The following PRDM5 variants were observed in gnomAD, a reference collection of about 807,000 sequenced individuals.
PRDM5 encodes the protein PR domain zinc finger protein 5.
In PRDM5, 56 loss-of-function variants were observed where a neutral mutation model predicts 81.2. The observed-to-expected ratio is 0.69, with a 90% confidence interval of 0.56 to 0.86. The LOEUF (loss-of-function observed/expected upper bound fraction) is 0.86, where lower values mean the gene tolerates loss of function less well. Among genes scored for constraint, PRDM5 ranks in the 40% least tolerant of loss-of-function variants. The pLI, the probability that PRDM5 is intolerant of heterozygous loss-of-function variation, is 0.00. For synonymous variants in PRDM5, 267 were observed against 256.4 expected, an observed-to-expected ratio of 1.04 and a Z score of -0.39; for missense variants, 697 against 770.1, an observed-to-expected ratio of 0.91 and a Z score of 1.12.
chr4:120,697,670 A>AT (rs373112429), intron 15 of PRDM5, among the ~76,000 whole-genome samples: 5 of 30,122 alleles, frequency 1.7e-4, no homozygotes, highest in African/African-American at 5.5e-4. Flanking sequence ...CCAGCTAACT[A>AT]TTTTTTTTTT....
At chr4:120,826,800 C>T (rs922283275) in intron 3 of PRDM5, among the ~76,000 whole-genome samples, 1 of 152,178 alleles carries the variant, frequency 6.6e-6, no homozygotes. Context: ...AAAGCAGATG[C>T]CATTTCCTGA....
chr4:120,739,723 T>C (rs1412618672), intron 14 of PRDM5, among the ~76,000 whole-genome samples: 38 of 151,738 alleles, frequency 2.5e-4, no homozygotes, highest in Admixed American at 2.5e-3. Flanking sequence ...CAGAGAACCA[T>C]GATCTAGCAT....
intron 13 of PRDM5, among the ~76,000 whole-genome samples, chr4:120,773,355 T>C (rs1747579300): frequency 6.6e-6 from 1 of 152,202 alleles, no homozygotes; most frequent in Admixed American, 6.5e-5. Flanking sequence ...AAATTTAGAA[T>C]GCTCCCAAGT....
intron 14 of PRDM5, chr4:120,731,880 C>T (rs1740321801): frequency 6.6e-6 from 1 of 152,056 alleles, no homozygotes; most frequent in Non-Finnish European, 1.5e-5. Flanking sequence ...ATAAATAAAC[C>T]CCTTCATGTT....
intron 3 of PRDM5, among the ~76,000 whole-genome samples, chr4:120,848,170 A>C (rs1036740788): frequency 1.3e-5 from 2 of 152,236 alleles, no homozygotes; most frequent in African/African-American, 4.8e-5. Flanking sequence ...GCAATGCTTT[A>C]TAATGGATTA....
chr4:120,746,824 A>G (rs1444327560), intron 14 of PRDM5, among the ~76,000 whole-genome samples: 3 of 144,818 alleles, frequency 2.1e-5, no homozygotes, highest in Non-Finnish European at 3.0e-5. Context: ...GAACACTTTT[A>G]CACTGTTGGT....
chr4:120,817,612 T>C (rs1754701726), intron 5 of PRDM5, among the ~76,000 whole-genome samples: 1 of 152,182 alleles, frequency 6.6e-6, no homozygotes, highest in African/African-American at 2.4e-5. Context: ...TTGCATCCAA[T>C]ATGTAAATAT....
At chr4:120,874,929 G>A (rs1413545428) in intron 2 of PRDM5, among the ~76,000 whole-genome samples, 2 of 152,198 alleles carry the variant, frequency 1.3e-5, no homozygotes, top group Non-Finnish European at 2.9e-5. Context: ...TAGGGAAGAG[G>A]TGGTGGGAGG....
At chr4:120,860,419 A>G (rs1462486223) in intron 2 of PRDM5, among the ~76,000 whole-genome samples, 1 of 152,210 alleles carries the variant, frequency 6.6e-6, no homozygotes, top group African/African-American at 2.4e-5. Flanking sequence ...ATACCTGACA[A>G]AAAATGAAAC....
chr4:120,839,710 AC>A (rs1488603460), intron 3 of PRDM5, among the ~76,000 whole-genome samples: 1 of 152,094 alleles, frequency 6.6e-6, no homozygotes, highest in Non-Finnish European at 1.5e-5. Flanking sequence ...CTCACCGGGT[AC>A]CTGCCCCCTT....
intron 15 of PRDM5, among the ~76,000 whole-genome samples, chr4:120,699,172 A>G (rs1221413206): frequency 3.1e-5 from 1 of 32,154 alleles, no homozygotes; most frequent in Admixed American, 4.4e-4. Flanking sequence ...ATATATATAT[A>G]TATATATATA....
intron 2 of PRDM5, among the ~76,000 whole-genome samples, chr4:120,875,145 C>A (rs1762214910): frequency 6.6e-6 from 1 of 152,192 alleles, no homozygotes. Context: ...AGTTTCCTGG[C>A]CAAATTTGGT....
In PRDM5 at chr4:120,873,295, C is replaced by T. The variant is rs185911792; in HGVS notation, c.178-19755G>A. Among the ~76,000 whole-genome samples, 362 of 152,254 alleles carry T rather than the reference C, an allele frequency of 2.4e-3. 3 individuals are homozygous for T. Among genetic ancestry groups the T allele is most frequent in the African/African-American group, 7.2e-3 (298 of 41,568 alleles). ...CTAGCATTACAGGCGTGAGCCACCA[C>T]GCCCTGACCACAATTTTTAAGAAGA... is the stretch of plus-strand genomic sequence containing the variant. On this transcript the variant is annotated intron_variant, in intron 2 of 15. Coordinates refer to ENST00000264808, the MANE Select transcript of PRDM5 (RefSeq NM_018699.4).
rs948613612 is a variant in PRDM5 at position 120,706,758 on chromosome 4, T to A, written c.1728+3551A>T. On this transcript the variant is annotated intron_variant, in intron 15 of 15. Coordinates refer to ENST00000264808, the MANE Select transcript of PRDM5 (RefSeq NM_018699.4). ...TATATATATGTCCATTATATAAATT[T>A]TATATATATATATATATATGCCCAT... Among the ~76,000 whole-genome samples the A allele has an allele frequency of 4.6e-3, 668 of 143,968 alleles. 5 individuals are homozygous for A. The highest frequency in any genetic ancestry group is 0.016 in the African/African-American group (636 of 39,504). 94.4% of individuals were successfully genotyped at this position (143,968 alleles called of 152,430 possible). A position where few individuals can be genotyped will look rare whatever the true frequency, so the allele number is the denominator to read the frequency against.
intron 1 of PRDM5, among the ~76,000 whole-genome samples, chr4:120,914,899 G>C (rs927298001): frequency 1.3e-5 from 2 of 152,152 alleles, no homozygotes; most frequent in Admixed American, 1.3e-4. Context: ...AAGTAACTCA[G>C]GAATGAAAAA....
chr4:120,768,358 T>C (rs1393524091), intron 13 of PRDM5, among the ~76,000 whole-genome samples: 1 of 152,200 alleles, frequency 6.6e-6, no homozygotes, highest in Non-Finnish European at 1.5e-5. Context: ...AAAATGAGAA[T>C]GGTCCTAGAA....
chr4:120,757,459 A>G (rs1419709587), intron 13 of PRDM5, among the ~76,000 whole-genome samples: 1 of 152,214 alleles, frequency 6.6e-6, no homozygotes, highest in African/African-American at 2.4e-5. Flanking sequence ...AGAATAATAT[A>G]GTAATAGCTG....
chr4:120,741,304 C>T (rs935442973), intron 14 of PRDM5, among the ~76,000 whole-genome samples: 13 of 152,052 alleles, frequency 8.5e-5, no homozygotes, highest in Non-Finnish European at 1.6e-4. Flanking sequence ...CCTGCCTTAA[C>T]ATCTTAATTC....
intron 13 of PRDM5, among the ~76,000 whole-genome samples, chr4:120,757,804 G>A (rs1018111008): frequency 1.3e-5 from 2 of 150,882 alleles, no homozygotes; most frequent in African/African-American, 4.9e-5. Flanking sequence ...CAAAAAGATG[G>A]AGGAACAGTG....
Sources: gnomAD v4.1 joint callset for allele counts (sites outside exome capture counted in the v4.1 genomes callset) on GRCh38, gnomAD v4.1.1 for gene constraint, MANE v1.5 for transcripts, NCBI Gene and HGNC (gene_info 2026-07-23, HGNC 2026-07-21) for gene names.